LTBP4: variants seen among roughly 807,000 people sequenced by gnomAD.
LTBP4 encodes the protein latent transforming growth factor beta binding protein 4, also known as latent-transforming growth factor beta-binding protein 4.
Under a neutral mutation model 180.2 loss-of-function variants are expected in LTBP4, and 93 were observed. The ratio of observed to expected loss-of-function variants is 0.52; its 90% CI spans 0.44 to 0.61. The LOEUF (loss-of-function observed/expected upper bound fraction) is 0.61, where lower values mean the gene tolerates loss of function less well. LTBP4 is among the 20% of genes least tolerant of loss of function. LTBP4 has a pLI of 0.00. For synonymous variants in LTBP4, 947 were observed against 934.5 expected, an observed-to-expected ratio of 1.01 and a Z score of -0.24; for missense variants, 2,116 against 2,256.5, an observed-to-expected ratio of 0.94 and a Z score of 1.26.
Position 40,613,685 on chromosome 19 carries a change from G to T in LTBP4, c.2557+156G>T. On this transcript the variant is annotated intron_variant, in intron 17 of 29. Coordinates refer to ENST00000396819, the MANE Select transcript of LTBP4 (RefSeq NM_001042545.2). This position sits in a 1 kb window ranked among gnomAD's most constrained non-coding sequence, Gnocchi z 5.0. ...CTGGTGGGAGTCTCGAGGCAGTGAG[G>T]GGGGGCGGGGCGTGGAGATGAAAGG... 2 of 1,295,322 alleles carry T rather than the reference G, an allele frequency of 1.5e-6. No individual in the cohort carries two copies. Among genetic ancestry groups the T allele is most frequent in the South Asian group, 1.3e-5 (1 of 77,394 alleles). 80.2% of individuals were successfully genotyped at this position (1,295,322 alleles called of 1,614,324 possible).
chr19:40,610,345 G>C lies in LTBP4; in HGVS notation c.1685-187G>C, dbSNP rs919307. On this transcript the variant is annotated intron_variant, in intron 11 of 29. Coordinates refer to ENST00000396819, the MANE Select transcript of LTBP4 (RefSeq NM_001042545.2). ...CCAAAGCTCTCCTTTCTGCCCTTGC[G>C]CTACCAAACCCTGCCCTCCACAATT... is the stretch of plus-strand genomic sequence containing the variant. 278,883 of 641,910 alleles carry C rather than the reference G, an allele frequency of 0.43. 62,609 individuals are homozygous for C. The highest frequency in any genetic ancestry group is 0.58 in the African/African-American group (31,458 of 54,312). 39.8% of individuals were successfully genotyped at this position (641,910 alleles called of 1,614,324 possible).
upstream of LTBP4, chr19:40,597,259 C>T (rs1834905977): frequency 6.0e-6 from 9 of 1,509,774 alleles, no homozygotes; most frequent in Non-Finnish European, 7.9e-6. Context: ...CACCAGCGGC[C>T]GCCGCCCCCT....
In LTBP4 at chr19:40,608,381, C is replaced by G. The variant is rs373474049; in HGVS notation, c.1306+12C>G. Reference sequence around the variant, plus strand: ...TCGGCCATCTGCAGGTGAGCTGGCTCTGGCAGAAGTGGGTGCCATCTTCAA... The same window carrying G: ...TCGGCCATCTGCAGGTGAGCTGGCTGTGGCAGAAGTGGGTGCCATCTTCAA... On this transcript the variant is annotated intron_variant, in intron 8 of 29. Transcript: ENST00000396819. 44 of 1,610,660 alleles carry G rather than the reference C, an allele frequency of 2.7e-5. No individual in the cohort carries two copies. Among genetic ancestry groups the G allele is most frequent in the Non-Finnish European group, 3.6e-5 (42 of 1,178,104 alleles).
chr19:40,608,212 A>G lies in LTBP4; in HGVS notation c.1157-8A>G, dbSNP rs775736093. 1.9e-5 allele frequency: 31 copies of G among 1,613,674 alleles called. No individual in the cohort carries two copies. The East Asian group carries it at 3.6e-4, about 19-fold the overall frequency. On this transcript the variant is annotated splice_polypyrimidine_tract_variant and splice_region_variant and intron_variant, in intron 7 of 29. Transcript: ENST00000396819. ...TGTCCTCTCTCTGTCTCTCTTACCTATTCCCAGAGGGTTTCCGGGAGATCT... is the reference window on the plus strand; with the variant it reads ...TGTCCTCTCTCTGTCTCTCTTACCTGTTCCCAGAGGGTTTCCGGGAGATCT...
At chr19:40,602,183 G>GTGT (rs1568401445) in intron 1 of LTBP4, among the ~76,000 whole-genome samples, 59 of 143,152 alleles carry the variant, frequency 4.1e-4, no homozygotes, top group African/African-American at 1.1e-3. Flanking sequence ...GTGTGTGTGT[G>GTGT]GCGGCGGGGG....
chr19:40,609,135 G>A lies in LTBP4; in HGVS notation c.1427-395G>A, dbSNP rs968756038. 7.9e-5 allele frequency among the ~76,000 whole-genome samples: 12 copies of A among 152,066 alleles called. No individual in the cohort carries two copies. Among genetic ancestry groups the A allele is most frequent in the African/African-American group, 2.9e-4 (12 of 41,374 alleles). On this transcript the variant is annotated intron_variant, in intron 9 of 29. Transcript: ENST00000396819. This position sits in a 1 kb window ranked among gnomAD's most constrained non-coding sequence, Gnocchi z 4.9. ...ACCTCTGAGACTCAGTTTTCTCATT[G>A]GTAAAATGGGGATGGTTGTTGAGAT...
In LTBP4 at chr19:40,606,419, C is replaced by T. The variant is rs756670175; in HGVS notation, c.884C>T (p.Ala295Val). The T allele has an allele frequency of 6.2e-7, 1 of 1,602,678 alleles. No individual in the cohort carries two copies. Among genetic ancestry groups the T allele is most frequent in the South Asian group, 1.1e-5 (1 of 89,604 alleles). Residue 295 changes from alanine to valine, a missense_variant, in exon 6 of 30, where the codon GCG becomes GTG. Physicochemically the swap from Ala to Val is moderately conservative, Grantham distance 64. This residue lies in a region of LTBP4 where 469 missense variants were observed against 532.5 expected (regional missense o/e 0.88). Coordinates refer to ENST00000396819, the MANE Select transcript of LTBP4 (RefSeq NM_001042545.2). ...ACCCTGGCAGATGTGGATGAGTGCG[C>T]GACTGGCGGGCGCTGCCAGCACGGC... ...NGSCEDVDEC[A>V]TGGRCQHGEC...
Position 40,601,494 on chromosome 19 carries a change from T to C in LTBP4, c.107T>C (p.Phe36Ser). Residue 36 changes from phenylalanine (F) to serine (S), a missense_variant, in exon 1 of 30, where the codon TTC becomes TCC. Physicochemically the swap from Phe to Ser is radical, Grantham distance 155 (BLOSUM62 -2). Transcript: ENST00000396819. Reference protein sequence around the residue: ...GRLGERLRVRFTPVVCGLRCV... With the variant: ...GRLGERLRVRSTPVVCGLRCV... ...CTCGGAGAGCGTCTCCGCGTGCGCT[T>C]CACCCCGGTCGTGTGCGGCCTGCGC... 6.7e-7 allele frequency: 1 copy of C among 1,495,958 alleles called. No individual in the cohort carries two copies. Among genetic ancestry groups the C allele is most frequent in the Non-Finnish European group, 8.9e-7 (1 of 1,129,426 alleles). 92.7% of individuals were successfully genotyped at this position (1,495,958 alleles called of 1,614,324 possible).
rs973127891 is a variant in LTBP4, at chr19:40,609,659, T to C, written c.1556T>C (p.Ile519Thr). 2.5e-6 allele frequency: 4 copies of C among 1,613,000 alleles called. No individual in the cohort carries two copies. The highest frequency in any genetic ancestry group is 1.3e-5 in the African/African-American group (1 of 74,896). ...CTCAGCCCCCAGGGCACCCGATGCATTGGTGAGCAAGACGGAGGGCGCGGA... is the reference window on the plus strand; with the variant it reads ...CTCAGCCCCCAGGGCACCCGATGCACTGGTGAGCAAGACGGAGGGCGCGGA... Reference protein sequence around the residue: ...FRLSPQGTRCIDVDECRRVPP... With the variant: ...FRLSPQGTRCTDVDECRRVPP... The change falls in exon 10 of 30, where the codon ATT becomes ACT. Residue 519 changes from isoleucine (I) to threonine (T), a missense_variant and splice_region_variant. Transcript: ENST00000396819. This position sits in a 1 kb window ranked among gnomAD's most constrained non-coding sequence, Gnocchi z 4.9.
At chr19:40,599,510 C>T, upstream of LTBP4, 1 of 1,613,252 alleles carries the variant, frequency 6.2e-7, no homozygotes, top group Non-Finnish European at 8.5e-7. Flanking sequence ...CAGTCCCAGC[C>T]CCAGCGTGAG....
intron 26 of LTBP4, 40 bp from the exon 27 acceptor site, chr19:40,625,817 G>A: frequency 6.7e-7 from 1 of 1,494,402 alleles, no homozygotes; most frequent in East Asian, 2.6e-5. Flanking sequence ...GAGGACCTGA[G>A]TGCCAGGCCC....
Position 40,629,728 on chromosome 19 carries a change from C to A in LTBP4, c.*178C>A. The A allele has an allele frequency of 1.8e-6, 1 of 545,476 alleles. No individual in the cohort carries two copies. The highest frequency in any genetic ancestry group is 2.7e-6 in the Non-Finnish European group (1 of 367,216). The allele number at this position is 545,476 out of a possible 1,614,324, so 33.8% of individuals were successfully genotyped here. On this transcript the variant is annotated 3_prime_UTR_variant, in exon 30 of 30. Coordinates refer to ENST00000396819, the MANE Select transcript of LTBP4 (RefSeq NM_001042545.2). The surrounding 1 kb of genome is among the most constrained non-coding windows in gnomAD (Gnocchi z 4.5). ...CTCCCGCCTCCACCAGCGCCTCCCA[C>A]TGATGTCGTGGTCCCGGGCCTGGCC...
At chr19:40,627,403 G>A in intron 28 of LTBP4, 48 bp downstream of exon 28, 3 of 1,454,512 alleles carry the variant, frequency 2.1e-6, no homozygotes, top group Non-Finnish European at 2.7e-6. Flanking sequence ...GGTGAGGTGT[G>A]CACGGAGAGA....
chr19:40,618,996 A>G (rs762899737), intron 21 of LTBP4, among the ~76,000 whole-genome samples: 30 of 151,960 alleles, frequency 2.0e-4, no homozygotes, highest in Non-Finnish European at 3.4e-4. Flanking sequence ...CTAAAAAGGG[A>G]GGTTTTTTTT....
chr19:40,614,579 T>G, intron 19 of LTBP4, 133 bp downstream of exon 19: 1 of 1,206,564 alleles, frequency 8.3e-7, no homozygotes, highest in Non-Finnish European at 1.1e-6. Context: ...ACCGTATCTC[T>G]GTAGTGGAAA....
In LTBP4 at chr19:40,601,401, T is replaced by G. The variant is rs1417302617; in HGVS notation, c.14T>G (p.Val5Gly). 87 of 1,318,576 alleles carry G rather than the reference T, an allele frequency of 6.6e-5. 1 individual carries two copies. The highest frequency in any genetic ancestry group is 5.6e-4 in the African/African-American group (37 of 65,640). 81.7% of individuals were successfully genotyped at this position (1,318,576 alleles called of 1,614,324 possible). ...GGCGCTGCAGCCATGGCGGGCGGCGTGCGGCTGCTCTGGGTGTCGCTATTG... is the reference window on the plus strand; with the variant it reads ...GGCGCTGCAGCCATGGCGGGCGGCGGGCGGCTGCTCTGGGTGTCGCTATTG... MAGG[V>G]RLLWVSLLVL... Residue 5 changes from valine to glycine, a missense_variant, in exon 1 of 30, where the codon GTG becomes GGG. This residue lies in a region of LTBP4 where 469 missense variants were observed against 532.5 expected (regional missense o/e 0.88). Coordinates refer to ENST00000396819, the MANE Select transcript of LTBP4 (RefSeq NM_001042545.2).
In LTBP4 at chr19:40,627,119, C is replaced by T. The variant is rs919086717; in HGVS notation, c.4130C>T (p.Pro1377Leu). The T allele has an allele frequency of 6.2e-7, 1 of 1,613,994 alleles. No homozygotes were observed. Among genetic ancestry groups the T allele is most frequent in the Non-Finnish European group, 8.5e-7 (1 of 1,179,874 alleles). ...GLPYGPELYP[P>L]PALPYDPYPP... The stretch of plus-strand genomic sequence containing the variant: ...CCATATGGGCCTGAGTTGTACCCAC[C>T]ACCTGCGCTACCCTACGACCCCTAC... Residue 1377 changes from proline to leucine, a missense_variant, in exon 28 of 30, where the codon CCA (proline) becomes CTA (leucine). Physicochemically the swap from Pro to Leu is moderately conservative, Grantham distance 98 (BLOSUM62 -3). Coordinates refer to ENST00000396819, the MANE Select transcript of LTBP4 (RefSeq NM_001042545.2).
intron 22 of LTBP4, among the ~76,000 whole-genome samples, chr19:40,620,246 A>AT (rs1000017606): frequency 1.2e-4 from 13 of 109,972 alleles, no homozygotes; most frequent in African/African-American, 4.7e-4. Context: ...TTTTTTTTAA[A>AT]TGTTTTTTTT....
rs2081645360 is a variant in LTBP4 at position 40,627,628 on chromosome 19, A to G, written c.4367-77A>G. The G allele has an allele frequency of 3.3e-6, 5 of 1,519,260 alleles. No individual in the cohort carries two copies. In the Admixed American group the frequency reaches 1.0e-4, roughly 30 times the overall value. 94.1% of individuals were successfully genotyped at this position (1,519,260 alleles called of 1,614,324 possible). A position where few individuals can be genotyped will look rare whatever the true frequency, so the allele number is the denominator to read the frequency against. ...AGTTTACAGCGAGAAAGATGGAGCC[A>G]AGGACGCGCACCCACCGTTGTGGGT... On this transcript the variant is annotated intron_variant, in intron 28 of 29. Transcript: ENST00000396819.
Sources: gnomAD v4.1 joint callset for allele counts (sites outside exome capture counted in the v4.1 genomes callset) on GRCh38, gnomAD v4.1.1 for gene constraint, gnomAD v4.1.1 regional missense constraint, Gnocchi (gnomAD v3.1) non-coding constraint, MANE v1.5 for transcripts, NCBI Gene and HGNC (gene_info 2026-07-23, HGNC 2026-07-21) for gene names.